The following CTNNA3 variants were observed in gnomAD, a reference collection of about 807,000 sequenced individuals.
CTNNA3 encodes the protein catenin alpha 3.
Under a neutral mutation model 95.7 loss-of-function variants are expected in CTNNA3, and 76 were observed. The ratio of observed to expected loss-of-function variants is 0.79; its 90% CI spans 0.66 to 0.96. The LOEUF (loss-of-function observed/expected upper bound fraction) is 0.96. Ranked by LOEUF, CTNNA3 falls within the 40% of genes least tolerant of loss-of-function variation. CTNNA3 has a pLI of 0.00. For missense variants in CTNNA3, 1,191 were observed against 1,089.8 expected (o/e 1.09, Z -1.31); for synonymous variants, 431 against 374.4 (o/e 1.15, Z -1.74).
At chr10:66,613,751 G>A (rs1589497574) in intron 10 of CTNNA3, among the ~76,000 whole-genome samples, 1 of 151,992 alleles carries the variant, frequency 6.6e-6, no homozygotes, top group East Asian at 1.9e-4. Context: ...AGAGCATTTT[G>A]TGCCATTCCC....
chr10:66,394,550 T>TAAAAAAAAAAAAAAAAAAAAAAAAA (rs71035137), intron 11 of CTNNA3, among the ~76,000 whole-genome samples: 1 of 128,162 alleles, frequency 7.8e-6, no homozygotes, highest in Non-Finnish European at 1.6e-5. Flanking sequence ...AGCACTGGGT[T>TAAAAAAAAAAAAAAAAAAAAAAAAA]AAAAAAAAAA....
chr10:66,552,291 T>C (rs1360105890), intron 10 of CTNNA3, among the ~76,000 whole-genome samples: 1 of 152,140 alleles, frequency 6.6e-6, no homozygotes, highest in African/African-American at 2.4e-5. Context: ...TTTGGTTCTC[T>C]AGACAGAAAC....
At chr10:66,546,559 G>A (rs895046351) in intron 10 of CTNNA3, among the ~76,000 whole-genome samples, 25 of 152,230 alleles carry the variant, frequency 1.6e-4, no homozygotes, top group African/African-American at 2.4e-4. Flanking sequence ...GGGAAGCCTC[G>A]AGAAACTTAC....
Position 66,927,361 on chromosome 10 carries a change from G to A in CTNNA3, c.1048-151837C>T. 2 of 1,614,088 alleles carry A rather than the reference G, an allele frequency of 1.2e-6. No homozygotes were observed. Among genetic ancestry groups the A allele is most frequent in the Non-Finnish European group, 1.7e-6 (2 of 1,180,032 alleles). On this transcript the variant is annotated intron_variant, in intron 7 of 17. Coordinates refer to ENST00000433211, the MANE Select transcript of CTNNA3 (RefSeq NM_013266.4). This position sits in a 1 kb window ranked among gnomAD's most constrained non-coding sequence, Gnocchi z 4.7. Reference sequence around the variant, plus strand: ...GTCCTATAATCAGCTGCATTCTCTGGGATCTGAACAGTTTCGGGGCTTGCG... The same window carrying A: ...GTCCTATAATCAGCTGCATTCTCTGAGATCTGAACAGTTTCGGGGCTTGCG...
chr10:65,992,508 CTA>C (rs34793856), intron 15 of CTNNA3, among the ~76,000 whole-genome samples: 129,538 of 151,724 alleles, frequency 0.85, 55,533 homozygotes, highest in African/African-American at 0.9. Flanking sequence ...TTCATTTCCC[CTA>C]TGTCTTCCAG....
intron 15 of CTNNA3, among the ~76,000 whole-genome samples, chr10:65,993,474 TG>T (rs1244172253): frequency 2.0e-5 from 3 of 152,216 alleles, no homozygotes; most frequent in African/African-American, 7.2e-5. Flanking sequence ...TTGCTGGATT[TG>T]TCCTTTTATC....
intron 5 of CTNNA3, among the ~76,000 whole-genome samples, chr10:67,357,266 G>A (rs1589210742): frequency 6.6e-6 from 1 of 151,836 alleles, no homozygotes; most frequent in East Asian, 1.9e-4. Flanking sequence ...TCTCAATTGT[G>A]GATCATTTAA....
chr10:67,595,044 C>T (rs559432900), intron 3 of CTNNA3, among the ~76,000 whole-genome samples: 38 of 152,282 alleles, frequency 2.5e-4, no homozygotes, highest in Non-Finnish European at 5.0e-4. Context: ...ATCCAAGTTG[C>T]TGTGAATGTC....
At chr10:67,282,534 C>G (rs1839440007) in intron 5 of CTNNA3, among the ~76,000 whole-genome samples, 1 of 152,188 alleles carries the variant, frequency 6.6e-6, no homozygotes, top group Non-Finnish European at 1.5e-5. Flanking sequence ...CCTAAGTCTA[C>G]TTTTATGTTT....
At chr10:66,019,781 A>G (rs1472282815) in intron 15 of CTNNA3, among the ~76,000 whole-genome samples, 6 of 152,202 alleles carry the variant, frequency 3.9e-5, no homozygotes, top group African/African-American at 1.4e-4. Flanking sequence ...GCAGCTTCAA[A>G]GTCTATAAAA....
rs148711917 is a variant in CTNNA3, at chr10:67,246,685, T to C, written c.580-26815A>G. 1.7e-3 allele frequency among the ~76,000 whole-genome samples: 254 copies of C among 152,308 alleles called. 3 individuals are homozygous for C. The highest frequency in any genetic ancestry group is 5.9e-3 in the African/African-American group (245 of 41,568). On this transcript the variant is annotated intron_variant, in intron 5 of 17. Transcript: ENST00000433211. ...AGTTACTACAGTTCAACAGTAAATT[T>C]TGAGCATTACCCAAATTCATGGGAC...
chr10:66,111,765 A>G (rs1359660041), intron 13 of CTNNA3, among the ~76,000 whole-genome samples: 2 of 152,130 alleles, frequency 1.3e-5, no homozygotes, highest in Non-Finnish European at 2.9e-5. Flanking sequence ...CTGGGAAGAT[A>G]TTTCTTATAT....
intron 7 of CTNNA3, among the ~76,000 whole-genome samples, chr10:66,808,985 T>C (rs1009276934): frequency 6.6e-6 from 1 of 152,218 alleles, no homozygotes; most frequent in Non-Finnish European, 1.5e-5. Flanking sequence ...ATGAATGTTA[T>C]ACCTTGGGCT....
At chr10:67,647,844 C>G (rs1168753506) in intron 1 of CTNNA3, among the ~76,000 whole-genome samples, 3 of 151,108 alleles carry the variant, frequency 2.0e-5, no homozygotes, top group African/African-American at 7.4e-5. Flanking sequence ...ACACATCTTA[C>G]AGCATTCAAG....
chr10:67,616,027 G>A (rs1223279019), intron 2 of CTNNA3, among the ~76,000 whole-genome samples: 2 of 152,284 alleles, frequency 1.3e-5, no homozygotes, highest in African/African-American at 4.8e-5. Context: ...AAGAGTGAAA[G>A]AGAAGAGCTA....
At chr10:66,576,061 A>G (rs1405034647) in intron 10 of CTNNA3, among the ~76,000 whole-genome samples, 1 of 152,094 alleles carries the variant, frequency 6.6e-6, no homozygotes, top group Non-Finnish European at 1.5e-5. Flanking sequence ...GAGGTATGGG[A>G]GGAAACCGAG....
At chr10:66,054,825 C>T (rs1313063931) in intron 15 of CTNNA3, among the ~76,000 whole-genome samples, 10 of 152,064 alleles carry the variant, frequency 6.6e-5, no homozygotes, top group Admixed American at 4.6e-4. Flanking sequence ...GAAGTTTTTC[C>T]CCAATGTTTT....
intron 5 of CTNNA3, among the ~76,000 whole-genome samples, chr10:67,490,357 A>G (rs1417491933): frequency 6.6e-6 from 1 of 152,202 alleles, no homozygotes; most frequent in Non-Finnish European, 1.5e-5. Context: ...AGCCAAGGTG[A>G]TGGCAGCTGC....
chr10:66,061,397 G>A (rs941210949), intron 15 of CTNNA3, among the ~76,000 whole-genome samples: 10 of 152,156 alleles, frequency 6.6e-5, no homozygotes, highest in African/African-American at 2.2e-4. Flanking sequence ...GTTTGAATTA[G>A]TCTATACCAG....
Sources: gnomAD v4.1 joint callset for allele counts (sites outside exome capture counted in the v4.1 genomes callset) on GRCh38, gnomAD v4.1.1 for gene constraint, Gnocchi (gnomAD v3.1) non-coding constraint, MANE v1.5 for transcripts, NCBI Gene and HGNC (gene_info 2026-07-23, HGNC 2026-07-21) for gene names.